The following AGO2 variants were observed in gnomAD, a reference collection of about 807,000 sequenced individuals.
The protein encoded by AGO2 is argonaute RISC catalytic component 2, also known as protein argonaute-2.
In AGO2, 5 loss-of-function variants were observed where a neutral mutation model predicts 102.3. That is an observed-to-expected ratio of 0.05 (90% CI 0.03 to 0.10). The LOEUF is 0.10. Among genes scored for constraint, AGO2 ranks in the 10% least tolerant of loss-of-function variants. The pLI, the probability that AGO2 is intolerant of heterozygous loss-of-function variation, is 1.00. For missense variants in AGO2, 541 were observed against 1,183.7 expected (o/e 0.46, Z 7.97); for synonymous variants, 449 against 473.1 (o/e 0.95, Z 0.66).
chr8:140,640,048 T>A (rs2074431783), upstream of AGO2, among the ~76,000 whole-genome samples: 2 of 152,182 alleles, frequency 1.3e-5, no homozygotes, highest in South Asian at 4.1e-4. Context: ...TTGCTCTGTC[T>A]CCTAGGCTGG....
At chr8:140,542,199 C>A (rs1056711280) in intron 14 of AGO2, among the ~76,000 whole-genome samples, 9 of 152,110 alleles carry the variant, frequency 5.9e-5, no homozygotes, top group Admixed American at 5.2e-4. Context: ...TGGAGGGAAC[C>A]GGGTAGATCC....
At chr8:140,564,929 T>C (rs1475600137) in intron 3 of AGO2, among the ~76,000 whole-genome samples, 1 of 130,496 alleles carries the variant, frequency 7.7e-6, no homozygotes, top group Non-Finnish European at 1.7e-5. Flanking sequence ...AGGTCAGGAG[T>C]TCGAGACCAC....
rs2098052108 is a variant in AGO2 at position 140,570,528 on chromosome 8, C to G, written c.336+2284G>C. Among the ~76,000 whole-genome samples, 3 of 152,190 alleles carry G rather than the reference C, an allele frequency of 2.0e-5. No individual in the cohort carries two copies. In the South Asian group the frequency reaches 6.2e-4, roughly 32 times the overall value. On this transcript the variant is annotated intron_variant, in intron 3 of 18. Transcript: ENST00000220592. ...TACAGGCATGAGCCACTGCACCTAG[C>G]CTTAAACAAAGAATTTTAAACTCTC...
intron 10 of AGO2, among the ~76,000 whole-genome samples, chr8:140,553,667 C>T (rs1464441633): frequency 6.6e-6 from 1 of 151,752 alleles, no homozygotes; most frequent in Non-Finnish European, 1.5e-5. Context: ...CCTCAGCCTC[C>T]CAAAGTGCTG....
At chr8:140,534,617 T>C (rs1028581509) in intron 17 of AGO2, among the ~76,000 whole-genome samples, 1 of 152,258 alleles carries the variant, frequency 6.6e-6, no homozygotes, top group African/African-American at 2.4e-5. Context: ...CTGTCAGGCA[T>C]GTGAACAATG....
At chr8:140,573,575 G>A (rs951083906) in intron 2 of AGO2, among the ~76,000 whole-genome samples, 2 of 152,202 alleles carry the variant, frequency 1.3e-5, no homozygotes, top group Admixed American at 1.3e-4. Context: ...ACCCATGAGT[G>A]GGTTTGTGCT....
intron 3 of AGO2, among the ~76,000 whole-genome samples, chr8:140,566,632 G>A (rs1003803582): frequency 4.0e-5 from 6 of 150,018 alleles, no homozygotes; most frequent in Admixed American, 2.7e-4. Flanking sequence ...GGGGGGGAAG[G>A]TGTCCCGCTC....
rs2072781155 is a variant in AGO2, at chr8:140,540,695, G to A, written c.2034+469C>T. Reference sequence around the variant, plus strand: ...ATCCAGACAGTGGCCGCGTCCTGGCGACCCTACCTTCAACAGAGCTGCCAC... The same window carrying A: ...ATCCAGACAGTGGCCGCGTCCTGGCAACCCTACCTTCAACAGAGCTGCCAC... On this transcript the variant is annotated intron_variant, in intron 15 of 18. Coordinates refer to ENST00000220592, the MANE Select transcript of AGO2 (RefSeq NM_012154.5). The surrounding 1 kb of genome is among the most constrained non-coding windows in gnomAD (Gnocchi z 5.0). Among the ~76,000 whole-genome samples the A allele has an allele frequency of 6.6e-6, 1 of 152,106 alleles. No homozygotes were observed. The highest frequency in any genetic ancestry group is 2.4e-5 in the African/African-American group (1 of 41,414).
intron 1 of AGO2, among the ~76,000 whole-genome samples, chr8:140,618,596 T>A (rs1563652237): frequency 6.6e-6 from 1 of 152,206 alleles, no homozygotes; most frequent in Non-Finnish European, 1.5e-5. Context: ...TAAATGTGGC[T>A]GATCCCAACT....
intron 17 of AGO2, among the ~76,000 whole-genome samples, chr8:140,533,166 G>A (rs1020884750): frequency 9.2e-5 from 14 of 151,616 alleles, no homozygotes; most frequent in South Asian, 2.1e-4. Flanking sequence ...GAGGCGGGCA[G>A]ATCACAAGGT....
the AGO2 span, among the ~76,000 whole-genome samples, chr8:140,641,216 CAGGG>C: frequency 1.1e-4 from 17 of 151,938 alleles, no homozygotes; most frequent in Non-Finnish European, 1.9e-4. Flanking sequence ...CCTAAGCCCT[CAGGG>C]AGGCTGAGGA....
At chr8:140,640,761 C>T in the AGO2 span, among the ~76,000 whole-genome samples, 21 of 151,698 alleles carry the variant, frequency 1.4e-4, no homozygotes, top group South Asian at 8.4e-4. Context: ...CCTTGTGATC[C>T]GCCCGCCTTG....
At chr8:140,601,578 C>T (rs370284755) in intron 1 of AGO2, among the ~76,000 whole-genome samples, 30 of 152,344 alleles carry the variant, frequency 2.0e-4, no homozygotes, top group African/African-American at 6.3e-4. Context: ...TCCCTTTGCT[C>T]CGCAACCATG....
At chr8:140,549,773 A>AT (rs773745203) in intron 11 of AGO2, among the ~76,000 whole-genome samples, 1 of 152,236 alleles carries the variant, frequency 6.6e-6, no homozygotes, top group Middle Eastern at 3.2e-3. Flanking sequence ...TCTGATGGGC[A>AT]TAACTTGGAC....
Position 140,538,020 on chromosome 8 carries a change from A to G in AGO2, c.2169+1300T>C, listed in dbSNP as rs555644073. On this transcript the variant is annotated intron_variant, in intron 16 of 18. Transcript: ENST00000220592. ...TTTTTAGTAGAGATGGGGTTTCGCC[A>G]TGTTGGCCAGGCTGGTCTCGGTCTC... 2.9e-3 allele frequency among the ~76,000 whole-genome samples: 433 copies of G among 151,722 alleles called. 1 individual carries two copies. The highest frequency in any genetic ancestry group is 4.6e-3 in the Non-Finnish European group (311 of 67,850).
At chr8:140,604,217 C>A (rs1164836107) in intron 1 of AGO2, among the ~76,000 whole-genome samples, 1 of 152,194 alleles carries the variant, frequency 6.6e-6, no homozygotes, top group African/African-American at 2.4e-5. Flanking sequence ...ATGAGTGCAG[C>A]GTGCTGTGTA....
At chr8:140,636,077 G>A (rs1232609650), upstream of AGO2, among the ~76,000 whole-genome samples, 1 of 151,528 alleles carries the variant, frequency 6.6e-6, no homozygotes, top group Non-Finnish European at 1.5e-5. Flanking sequence ...CCCGGTGGGG[G>A]GCGCAGAACC....
At chr8:140,546,501 C>G (rs1286624809) in intron 13 of AGO2, among the ~76,000 whole-genome samples, 3 of 152,246 alleles carry the variant, frequency 2.0e-5, no homozygotes, top group Non-Finnish European at 4.4e-5. Flanking sequence ...GGGCTCACCA[C>G]CGCCCACTTT....
chr8:140,523,548 C>A lies in AGO2; in HGVS notation c.*8496G>T, dbSNP rs998913493. The A allele has an allele frequency of 6.6e-6, 1 of 152,156 alleles. No homozygotes were observed. Among genetic ancestry groups the A allele is most frequent in the Non-Finnish European group, 1.5e-5 (1 of 68,028 alleles). The allele number at this position is 152,156 out of a possible 1,614,324, so 9.4% of individuals were successfully genotyped here. On this transcript the variant is annotated 3_prime_UTR_variant, in exon 19 of 19. Transcript: ENST00000220592. Reference sequence around the variant, plus strand: ...CCTGTATTTAATGAGTAATTAGCCACTTTGCTGCACAGAAACTTATAAATT... The same window carrying A: ...CCTGTATTTAATGAGTAATTAGCCAATTTGCTGCACAGAAACTTATAAATT...
Sources: gnomAD v4.1 joint callset for allele counts (sites outside exome capture counted in the v4.1 genomes callset) on GRCh38, gnomAD v4.1.1 for gene constraint, Gnocchi (gnomAD v3.1) non-coding constraint, MANE v1.5 for transcripts, NCBI Gene and HGNC (gene_info 2026-07-23, HGNC 2026-07-21) for gene names.